Variants in EPM2A observed in about 807,000 individuals in gnomAD.
The protein encoded by EPM2A is laforin.
Under a neutral mutation model 26.5 loss-of-function variants are expected in EPM2A, and 21 were observed. The observed-to-expected ratio is 0.79, with a 90% confidence interval of 0.56 to 1.14. EPM2A has a LOEUF of 1.14. Among genes scored for constraint, EPM2A ranks in the 50% most tolerant of loss-of-function variants. EPM2A has a pLI of 0.00. For synonymous variants in EPM2A, 217 were observed against 177.6 expected (o/e 1.22, Z -1.76); for missense variants, 458 against 440.8 (o/e 1.04, Z -0.35).
chr6:145,407,855 T>A (rs1477173894), intron 4 of EPM2A, among the ~76,000 whole-genome samples: 1 of 152,158 alleles, frequency 6.6e-6, no homozygotes, highest in African/African-American at 2.4e-5. Context: ...GACTGAAGCT[T>A]GTTTCTAAGA....
intron 2 of EPM2A, among the ~76,000 whole-genome samples, chr6:145,505,236 A>G (rs944430060): frequency 3.1e-5 from 4 of 127,372 alleles, no homozygotes; most frequent in Non-Finnish European, 6.8e-5. Context: ...CCTAAAACTT[A>G]AAGTATAATT....
chr6:145,564,767 A>T (rs1780855547), intron 2 of EPM2A, among the ~76,000 whole-genome samples: 1 of 91,250 alleles, frequency 1.1e-5, no homozygotes, highest in East Asian at 3.1e-4. Context: ...TCTTGTGGGT[A>T]TATGGTGGGG....
At chr6:145,440,284 T>C (rs1779045304) in intron 4 of EPM2A, among the ~76,000 whole-genome samples, 1 of 152,134 alleles carries the variant, frequency 6.6e-6, no homozygotes, top group African/African-American at 2.4e-5. Context: ...GTGAGACTTG[T>C]TCACTACCAT....
intron 1 of EPM2A, chr6:145,705,692 C>A (rs1275353156): frequency 2.5e-6 from 1 of 404,804 alleles, no homozygotes; most frequent in African/African-American, 2.1e-5. Flanking sequence ...TTTGAAATAG[C>A]AACAATTTCT....
At chr6:145,434,786 T>C (rs1056346374) in intron 4 of EPM2A, among the ~76,000 whole-genome samples, 2 of 152,146 alleles carry the variant, frequency 1.3e-5, no homozygotes, top group African/African-American at 4.8e-5. Flanking sequence ...CCTTTTCCTG[T>C]CCCCTGGCAA....
At chr6:145,416,465 C>T (rs1394639631) in intron 4 of EPM2A, among the ~76,000 whole-genome samples, 1 of 151,968 alleles carries the variant, frequency 6.6e-6, no homozygotes, top group Non-Finnish European at 1.5e-5. Flanking sequence ...ATGAATTCTT[C>T]CTATTACCCA....
intron 2 of EPM2A, among the ~76,000 whole-genome samples, chr6:145,585,286 A>T (rs1157281921): frequency 6.6e-6 from 1 of 152,018 alleles, no homozygotes; most frequent in Non-Finnish European, 1.5e-5. Flanking sequence ...AGTTTTCATC[A>T]CCTTTGGAAA....
chr6:145,575,674 C>T (rs964716014), intron 2 of EPM2A, among the ~76,000 whole-genome samples: 1 of 152,136 alleles, frequency 6.6e-6, no homozygotes, highest in Non-Finnish European at 1.5e-5. Context: ...CCTTGCTTCT[C>T]ATGAGCAATG....
intron 4 of EPM2A, among the ~76,000 whole-genome samples, chr6:145,408,830 C>T (rs1323406447): frequency 6.6e-6 from 1 of 152,080 alleles, no homozygotes; most frequent in East Asian, 1.9e-4. Context: ...TCTCTGCTTC[C>T]TAGATGGCAC....
At chr6:145,447,721 A>T (rs872653) in intron 4 of EPM2A, among the ~76,000 whole-genome samples, 1 of 151,854 alleles carries the variant, frequency 6.6e-6, no homozygotes, top group Non-Finnish European at 1.5e-5. Flanking sequence ...AATCATCATA[A>T]ACTTCATTTT....
At chr6:145,497,005 C>T (rs1779830568), downstream of EPM2A, among the ~76,000 whole-genome samples, 2 of 152,190 alleles carry the variant, frequency 1.3e-5, no homozygotes, top group African/African-American at 4.8e-5. Flanking sequence ...TTAGAATGTG[C>T]TCCTTTAGCT....
At chr6:145,436,455 A>C (rs942270447) in intron 4 of EPM2A, among the ~76,000 whole-genome samples, 1 of 152,106 alleles carries the variant, frequency 6.6e-6, no homozygotes, top group Non-Finnish European at 1.5e-5. Context: ...TTACATTTCC[A>C]CCAGCAATGC....
chr6:145,718,807 G>C (rs185145983), intron 1 of EPM2A, among the ~76,000 whole-genome samples: 74 of 152,272 alleles, frequency 4.9e-4, no homozygotes, highest in African/African-American at 1.5e-3. Context: ...AAACAAGTGG[G>C]CGAAGGACAT....
chr6:145,606,703 G>A (rs1775267916), intron 2 of EPM2A, among the ~76,000 whole-genome samples: 1 of 152,074 alleles, frequency 6.6e-6, no homozygotes, highest in South Asian at 2.1e-4. Flanking sequence ...GGTCCCCTCT[G>A]GTTAGTCTAG....
At chr6:145,696,528 A>C (rs1781579696) in intron 1 of EPM2A, among the ~76,000 whole-genome samples, 1 of 152,188 alleles carries the variant, frequency 6.6e-6, no homozygotes, top group East Asian at 1.9e-4. Flanking sequence ...AATGTACCCC[A>C]TACACATATA....
intron 1 of EPM2A, among the ~76,000 whole-genome samples, chr6:145,700,973 A>T (rs1174711695): frequency 6.6e-6 from 1 of 152,234 alleles, no homozygotes; most frequent in Non-Finnish European, 1.5e-5. Flanking sequence ...CATGAATATC[A>T]CATATGCATT....
chr6:145,455,901 T>C (rs1645086434), intron 4 of EPM2A, among the ~76,000 whole-genome samples: 1 of 152,232 alleles, frequency 6.6e-6, no homozygotes, highest in African/African-American at 2.4e-5. Context: ...TCCTTGGGAC[T>C]GTTTGAATAT....
At chr6:145,527,593 T>A (rs375162286) in intron 2 of EPM2A, among the ~76,000 whole-genome samples, 84 of 152,224 alleles carry the variant, frequency 5.5e-4, no homozygotes, top group African/African-American at 2.0e-3. Context: ...TATTTAAGAA[T>A]AGCATCCTCT....
intron 2 of EPM2A, among the ~76,000 whole-genome samples, chr6:145,613,079 G>A (rs1240516990): frequency 6.6e-6 from 1 of 152,146 alleles, no homozygotes; most frequent in Non-Finnish European, 1.5e-5. Context: ...CAAAATTGGA[G>A]TTAATCCTCT....
Sources: gnomAD v4.1 joint callset for allele counts (sites outside exome capture counted in the v4.1 genomes callset) on GRCh38, gnomAD v4.1.1 for gene constraint, MANE v1.5 for transcripts, NCBI Gene and HGNC (gene_info 2026-07-23, HGNC 2026-07-21) for gene names.